The following EIF4EBP2 variants were observed in gnomAD, a reference collection of about 807,000 sequenced individuals.
EIF4EBP2 encodes eukaryotic translation initiation factor 4E binding protein 2.
EIF4EBP2 carries 5 observed loss-of-function variants against 10.3 expected under a neutral mutation model. The ratio of observed to expected loss-of-function variants is 0.48; its 90% confidence interval spans 0.25 to 1.02. The LOEUF (loss-of-function observed/expected upper bound fraction) is 1.02. Among genes scored for constraint, EIF4EBP2 ranks in the 50% least tolerant of loss-of-function variants. EIF4EBP2 has a pLI of 0.15. For missense variants in EIF4EBP2, 188 were observed against 162.2 expected, an observed-to-expected ratio of 1.16 and a Z score of -0.86; for synonymous variants, 67 against 61.1, an observed-to-expected ratio of 1.10 and a Z score of -0.45.
At position 70,406,563 on chromosome 10, in the gene EIF4EBP2, A is replaced by T. The variant is rs77946247; in HGVS notation, c.145+2017A>T. ...ATCCCCTGAGGGAAGAGCCACCTAG[A>T]CACGTTTTTGGCTTATGTCAAATAG... On this transcript the variant is annotated intron_variant, in intron 1 of 2. Transcript: ENST00000373218. Among the ~76,000 whole-genome samples the T allele has an allele frequency of 2.3e-3, 347 of 152,352 alleles. 1 individual carries two copies. The highest frequency in any genetic ancestry group is 7.7e-3 in the African/African-American group (319 of 41,576).
chr10:70,419,086 G>C (rs1350240331), intron 1 of EIF4EBP2, among the ~76,000 whole-genome samples: 1 of 152,174 alleles, frequency 6.6e-6, no homozygotes, highest in Admixed American at 6.5e-5. Context: ...CAAACTGTTG[G>C]AATTACAGGC....
At position 70,421,988 on chromosome 10, in the gene EIF4EBP2, G is replaced by A. The variant is rs1589149035; in HGVS notation, c.*241G>A. On this transcript the variant is annotated 3_prime_UTR_variant, in exon 3 of 3. Transcript: ENST00000373218. ...ACAGGTTAGATTGAAGGCCCTTGCT[G>A]TATTTCTGTAGAGCTAAGCAGCCCT... 6.0e-6 allele frequency: 3 copies of A among 501,782 alleles called. No homozygotes were observed. Among genetic ancestry groups the A allele is most frequent in the South Asian group, 3.5e-5 (1 of 28,330 alleles). 31.1% of individuals were successfully genotyped at this position (501,782 alleles called of 1,614,324 possible).
Position 70,428,350 on chromosome 10 carries a change from A to C in EIF4EBP2, c.*6603A>C, listed in dbSNP as rs1845225774. The C allele has an allele frequency of 6.6e-6, 1 of 151,900 alleles. No homozygotes were observed. Among genetic ancestry groups the C allele is most frequent in the East Asian group, 1.9e-4 (1 of 5,188 alleles). 9.4% of individuals were successfully genotyped at this position (151,900 alleles called of 1,614,324 possible). ...CCAGTTCCATCCATTCTGAATGGAA[A>C]AGCGGAGACTGCCAGCACTTTCCTT... is the stretch of plus-strand genomic sequence containing the variant. On this transcript the variant is annotated 3_prime_UTR_variant, in exon 3 of 3. Transcript: ENST00000373218.
rs1392989013 is a variant in EIF4EBP2, at chr10:70,419,986, G to A, written c.218G>A (p.Cys73Tyr). 15 of 1,612,982 alleles carry A rather than the reference G, an allele frequency of 9.3e-6. No individual in the cohort carries two copies. Among genetic ancestry groups the A allele is most frequent in the Admixed American group, 1.7e-5 (1 of 59,840 alleles). The change falls in exon 2 of 3, where the codon TGC (cysteine) becomes TAC (tyrosine). Residue 73 changes from cysteine to tyrosine, a missense_variant. By Grantham distance (194) the Cys-to-Tyr change is radical. Coordinates refer to ENST00000373218, the MANE Select transcript of EIF4EBP2 (RefSeq NM_004096.5). Reference sequence around the variant, plus strand: ...TCTCCCATGGCTCAGACCCCACCCTGCCACCTGCCCAATATCCCAGGAGTC... The same window carrying A: ...TCTCCCATGGCTCAGACCCCACCCTACCACCTGCCCAATATCCCAGGAGTC... ...RNSPMAQTPP[C>Y]HLPNIPGVTS...
intron 1 of EIF4EBP2, among the ~76,000 whole-genome samples, chr10:70,407,729 G>T (rs1844989476): frequency 3.7e-5 from 1 of 26,738 alleles, no homozygotes; most frequent in African/African-American, 1.1e-4. Context: ...GCGGGGGGCT[G>T]ACCCCCCCCC....
intron 1 of EIF4EBP2, among the ~76,000 whole-genome samples, chr10:70,408,658 C>G (rs1406937814): frequency 5.3e-5 from 8 of 152,140 alleles, no homozygotes; most frequent in Admixed American, 4.6e-4. Context: ...CTCCAGACTC[C>G]TGGATTAATA....
At chr10:70,418,839 AG>A (rs1380859271) in intron 1 of EIF4EBP2, among the ~76,000 whole-genome samples, 3 of 152,196 alleles carry the variant, frequency 2.0e-5, no homozygotes, top group Admixed American at 6.5e-5. Context: ...ATTTTGAGGC[AG>A]GATCTTGCTC....
At chr10:70,414,663 T>A (rs1269341390) in intron 1 of EIF4EBP2, among the ~76,000 whole-genome samples, 4 of 152,026 alleles carry the variant, frequency 2.6e-5, no homozygotes, top group African/African-American at 9.7e-5. Flanking sequence ...AGGTCAGGAG[T>A]TCGAGACCAG....
chr10:70,421,652 CAGTT>C, intron 2 of EIF4EBP2, 60 bp from the exon 3 acceptor site: 1 of 1,422,368 alleles, frequency 7.0e-7, no homozygotes, highest in Non-Finnish European at 9.9e-7. Flanking sequence ...GAGGGAATGA[CAGTT>C]AAAACTGTTA....
rs1367708318 is a variant in EIF4EBP2, at chr10:70,426,139, C to A, written c.*4392C>A. On this transcript the variant is annotated 3_prime_UTR_variant, in exon 3 of 3. Transcript: ENST00000373218. The stretch of plus-strand genomic sequence containing the variant: ...TGTGTTCATGCTAAAGACAAACTTA[C>A]ATGAAGTTTTTCAGTTTAAGACATT... The A allele has an allele frequency of 6.6e-6, 1 of 152,228 alleles. No individual in the cohort carries two copies. The highest frequency in any genetic ancestry group is 2.4e-5 in the African/African-American group (1 of 41,466). The allele number at this position is 152,228 out of a possible 1,614,324, so 9.4% of individuals were successfully genotyped here.
intron 1 of EIF4EBP2, among the ~76,000 whole-genome samples, chr10:70,416,198 A>G (rs535451905): frequency 1.2e-4 from 18 of 152,342 alleles, no homozygotes; most frequent in Admixed American, 1.2e-3. Flanking sequence ...AAACCACTTC[A>G]TATCTGCTAA....
intron 2 of EIF4EBP2, among the ~76,000 whole-genome samples, chr10:70,420,518 C>T (rs914793582): frequency 6.6e-6 from 1 of 151,882 alleles, no homozygotes; most frequent in Admixed American, 6.6e-5. Context: ...CAGTTAATAA[C>T]TAATGTTCAG....
intron 1 of EIF4EBP2, among the ~76,000 whole-genome samples, chr10:70,416,571 C>CTT (rs1340283921): frequency 8.6e-6 from 1 of 116,720 alleles, no homozygotes; most frequent in Non-Finnish European, 1.7e-5. Context: ...TAGCGAGACT[C>CTT]TGTCTCAAAA....
intron 1 of EIF4EBP2, among the ~76,000 whole-genome samples, chr10:70,409,112 G>A (rs1415348959): frequency 6.6e-6 from 1 of 152,170 alleles, no homozygotes; most frequent in African/African-American, 2.4e-5. Context: ...GGGGATCACA[G>A]GAGATACAGC....
chr10:70,424,275 T>C lies in EIF4EBP2; in HGVS notation c.*2528T>C, dbSNP rs1845186198. On this transcript the variant is annotated 3_prime_UTR_variant, in exon 3 of 3. Transcript: ENST00000373218. Reference sequence around the variant, plus strand: ...TCAGAAGGCATGTTTTTAGTATTTCTTGGGAGTGTCAGCTGTATAATGCAG... The same window carrying C: ...TCAGAAGGCATGTTTTTAGTATTTCCTGGGAGTGTCAGCTGTATAATGCAG... The C allele has an allele frequency of 1.3e-5, 2 of 152,324 alleles. No individual in the cohort carries two copies. 9.4% of individuals were successfully genotyped at this position (152,324 alleles called of 1,614,324 possible).
At chr10:70,405,559 T>G (rs929525361) in intron 1 of EIF4EBP2, among the ~76,000 whole-genome samples, 4 of 152,198 alleles carry the variant, frequency 2.6e-5, no homozygotes, top group African/African-American at 9.7e-5. Flanking sequence ...GAACTTTGTC[T>G]TCTTTTGGTG....
rs1463578830 is a variant in EIF4EBP2, at chr10:70,425,654, G to A, written c.*3907G>A. On this transcript the variant is annotated 3_prime_UTR_variant, in exon 3 of 3. Transcript: ENST00000373218. Reference sequence around the variant, plus strand: ...GCCTGACTACCAACAGCTCAAGTATGCTTATTTGCACATCCTAGACTTGGT... The same window carrying A: ...GCCTGACTACCAACAGCTCAAGTATACTTATTTGCACATCCTAGACTTGGT... The A allele has an allele frequency of 1.3e-5, 2 of 152,144 alleles. No individual in the cohort carries two copies. Among genetic ancestry groups the A allele is most frequent in the Non-Finnish European group, 2.9e-5 (2 of 68,024 alleles). 9.4% of individuals were successfully genotyped at this position (152,144 alleles called of 1,614,324 possible). A position where few individuals can be genotyped will look rare whatever the true frequency, so the allele number is the denominator to read the frequency against.
chr10:70,415,106 C>T (rs371757878), intron 1 of EIF4EBP2, among the ~76,000 whole-genome samples: 99 of 149,984 alleles, frequency 6.6e-4, no homozygotes, highest in African/African-American at 2.4e-3. Context: ...TGCAGTGAGC[C>T]AAGATTGCAC....
rs1252772336 is a variant in EIF4EBP2, at chr10:70,422,612, G to A, written c.*865G>A. On this transcript the variant is annotated 3_prime_UTR_variant, in exon 3 of 3. Coordinates refer to ENST00000373218, the MANE Select transcript of EIF4EBP2 (RefSeq NM_004096.5). ...CAAAGTGATTTTGTCTGCTCCTAGAGCAGGTCCATACCAAGTAATAGAGGC... is the reference window on the plus strand; with the variant it reads ...CAAAGTGATTTTGTCTGCTCCTAGAACAGGTCCATACCAAGTAATAGAGGC... 6.6e-6 allele frequency: 1 copy of A among 152,172 alleles called. No homozygotes were observed. Among genetic ancestry groups the A allele is most frequent in the Non-Finnish European group, 1.5e-5 (1 of 68,040 alleles). 9.4% of individuals were successfully genotyped at this position (152,172 alleles called of 1,614,324 possible).
Sources: allele counts gnomAD v4.1 joint callset (sites outside exome capture counted in the v4.1 genomes callset), GRCh38; gene constraint gnomAD v4.1.1; transcripts MANE v1.5; gene names NCBI Gene and HGNC (gene_info 2026-07-23, HGNC 2026-07-21).